CMIP: variants seen among roughly 807,000 people sequenced by gnomAD.
CMIP encodes the protein c-Maf inducing protein.
Under a neutral mutation model 97.3 loss-of-function variants are expected in CMIP, and 13 were observed. That is an observed-to-expected ratio of 0.13 (90% CI 0.09 to 0.21). The LOEUF (loss-of-function observed/expected upper bound fraction) is 0.21. Ranked by LOEUF, CMIP falls within the 10% of genes least tolerant of loss-of-function variation. The pLI, the probability that CMIP is intolerant of heterozygous loss-of-function variation, is 1.00. For missense variants in CMIP, 847 were observed against 1,024.9 expected (o/e 0.83, Z 2.37); for synonymous variants, 538 against 436.3 (o/e 1.23, Z -2.91).
chr16:81,559,143 CAGA>C (rs149523885), intron 1 of CMIP, among the ~76,000 whole-genome samples: 13,443 of 152,216 alleles, frequency 0.088, 746 homozygotes, highest in East Asian at 0.27. Context: ...GCATGCTGGG[CAGA>C]AGAAGAGGGT....
intron 1 of CMIP, among the ~76,000 whole-genome samples, chr16:81,555,718 G>A (rs1160352450): frequency 2.6e-5 from 4 of 152,184 alleles, no homozygotes; most frequent in Non-Finnish European, 4.4e-5. Context: ...AGCTAAATCA[G>A]GAAGGAGAAA....
At chr16:81,629,050 C>T (rs1051971840) in intron 3 of CMIP, among the ~76,000 whole-genome samples, 39 of 136,316 alleles carry the variant, frequency 2.9e-4, no homozygotes, top group African/African-American at 1.1e-3. Flanking sequence ...GCATGAGAAT[C>T]GCTTGAACCC....
chr16:81,578,219 C>T (rs1170556968), intron 1 of CMIP, among the ~76,000 whole-genome samples: 2 of 151,842 alleles, frequency 1.3e-5, no homozygotes, highest in Admixed American at 6.6e-5. Flanking sequence ...TCACCACCAT[C>T]ATAACCATCA....
At position 81,620,940 on chromosome 16, in the gene CMIP, C is replaced by T. The variant is rs375814804; in HGVS notation, c.477+14C>T. The T allele has an allele frequency of 4.2e-5, 68 of 1,613,504 alleles. No homozygotes were observed. The highest frequency in any genetic ancestry group is 3.3e-5 in the Admixed American group (2 of 59,988). ...CTGCAATGGAAGGTAAGTACTGACTCGGTTGCTTGTTTAAAGCGACTCAGG... is the reference window on the plus strand; with the variant it reads ...CTGCAATGGAAGGTAAGTACTGACTTGGTTGCTTGTTTAAAGCGACTCAGG... On this transcript the variant is annotated intron_variant, in intron 3 of 20. Transcript: ENST00000537098.
rs1037198934 is a variant in CMIP, at chr16:81,470,457, G to C, written c.300+24916G>C. ...ACAGAGACAGATGTTTCAGAAGTTT[G>C]ACCTCAAAACAGCTTTCTTTTCCCT... On this transcript the variant is annotated intron_variant, in intron 1 of 20. Transcript: ENST00000537098. 3.3e-5 allele frequency among the ~76,000 whole-genome samples: 5 copies of C among 152,336 alleles called. No homozygotes were observed. The East Asian group carries it at 9.6e-4, about 29-fold the overall frequency.
Position 81,671,948 on chromosome 16 carries a change from C to T in CMIP, c.930-18C>T, listed in dbSNP as rs1597228508. On this transcript the variant is annotated intron_variant, in intron 8 of 20. Transcript: ENST00000537098. ...CACTCCTGCAGGCTTCTCACCCCAGCCCTCTGCTTTTTTCCAGCATGCACG... is the reference window on the plus strand; with the variant it reads ...CACTCCTGCAGGCTTCTCACCCCAGTCCTCTGCTTTTTTCCAGCATGCACG... 2.4e-5 allele frequency: 35 copies of T among 1,446,012 alleles called. No homozygotes were observed. The East Asian group carries it at 8.3e-4, about 34-fold the overall frequency. The allele number at this position is 1,446,012 out of a possible 1,614,324, so 89.6% of individuals were successfully genotyped here.
Position 81,621,076 on chromosome 16 carries a change from C to T in CMIP, c.477+150C>T, listed in dbSNP as rs2091986068. The T allele has an allele frequency of 1.2e-6, 1 of 856,078 alleles. No individual in the cohort carries two copies. Among genetic ancestry groups the T allele is most frequent in the African/African-American group, 1.7e-5 (1 of 59,096 alleles). 53.0% of individuals were successfully genotyped at this position (856,078 alleles called of 1,614,324 possible). A position where few individuals can be genotyped will look rare whatever the true frequency, so the allele number is the denominator to read the frequency against. ...ACTTTGTTCCCCTACCTAAGAGCCC[C>T]TGGCCCTTCGTCCTCTGCTGTTCAA... On this transcript the variant is annotated intron_variant, in intron 3 of 20. Coordinates refer to ENST00000537098, the MANE Select transcript of CMIP (RefSeq NM_198390.3). This position sits in a 1 kb window ranked among gnomAD's most constrained non-coding sequence, Gnocchi z 4.1.
intron 3 of CMIP, among the ~76,000 whole-genome samples, chr16:81,647,148 C>G (rs2092372766): frequency 6.6e-6 from 1 of 152,222 alleles, no homozygotes; most frequent in African/African-American, 2.4e-5. Context: ...TTACAGCCAT[C>G]CTCGTAGGAC....
intron 2 of CMIP, among the ~76,000 whole-genome samples, chr16:81,612,172 T>A (rs2091842544): frequency 6.6e-6 from 1 of 152,136 alleles, no homozygotes. Flanking sequence ...GTAGCAGGCA[T>A]TAAAGAGCAG....
intron 1 of CMIP, among the ~76,000 whole-genome samples, chr16:81,469,737 T>C (rs1237610912): frequency 1.3e-5 from 2 of 152,224 alleles, no homozygotes; most frequent in Admixed American, 1.3e-4. Flanking sequence ...AAGTTGAGCA[T>C]GTTATTTACA....
intron 3 of CMIP, among the ~76,000 whole-genome samples, chr16:81,626,455 GTGTGTGTA>G (rs1265171834): frequency 9.2e-5 from 6 of 64,962 alleles, no homozygotes; most frequent in African/African-American, 2.1e-4. Context: ...TTATGAGTGT[GTGTGTGTA>G]TGTGTGGCAT....
At chr16:81,643,442 G>A (rs1038336976) in intron 3 of CMIP, among the ~76,000 whole-genome samples, 2 of 152,232 alleles carry the variant, frequency 1.3e-5, no homozygotes, top group Admixed American at 1.3e-4. Flanking sequence ...GTTGGAAATA[G>A]TGGTGGTGGT....
At chr16:81,555,880 A>G (rs1186551548) in intron 1 of CMIP, among the ~76,000 whole-genome samples, 3 of 152,176 alleles carry the variant, frequency 2.0e-5, no homozygotes, top group Non-Finnish European at 4.4e-5. Flanking sequence ...CCTCATCTCT[A>G]AAATGGATCC....
At chr16:81,558,281 C>T (rs2090807991) in intron 1 of CMIP, among the ~76,000 whole-genome samples, 1 of 152,080 alleles carries the variant, frequency 6.6e-6, no homozygotes, top group African/African-American at 2.4e-5. Flanking sequence ...CCTCCATCAG[C>T]AGACACGAGG....
At chr16:81,591,135 A>C (rs2091460896) in intron 1 of CMIP, among the ~76,000 whole-genome samples, 1 of 152,172 alleles carries the variant, frequency 6.6e-6, no homozygotes, top group Admixed American at 6.5e-5. Context: ...TTCATTAATA[A>C]CTAGCAGCAT....
intron 10 of CMIP, among the ~76,000 whole-genome samples, chr16:81,687,544 G>C (rs1905549174): frequency 6.6e-6 from 1 of 152,192 alleles, no homozygotes; most frequent in Non-Finnish European, 1.5e-5. Flanking sequence ...GAGAGGACGG[G>C]TCATGGTCTT....
chr16:81,502,685 G>A (rs796292341), intron 1 of CMIP, among the ~76,000 whole-genome samples: 13 of 152,276 alleles, frequency 8.5e-5, no homozygotes, highest in African/African-American at 2.4e-4. Context: ...AAGTGTTACC[G>A]TTATCATCAT....
intron 13 of CMIP, 115 bp downstream of exon 13, chr16:81,693,602 G>C (rs1906361707): frequency 8.9e-7 from 1 of 1,124,146 alleles, no homozygotes; most frequent in Non-Finnish European, 1.3e-6. Flanking sequence ...ACAGCTTTCA[G>C]AGACCCATTG....
Position 81,456,358 on chromosome 16 carries a change from C to T in CMIP, c.300+10817C>T, listed in dbSNP as rs112942241. ...AGGGGAAATGGAGACCTCAAGAGTTCAAGGTTACACAGCTGGAACCCAGGC... is the reference window on the plus strand; with the variant it reads ...AGGGGAAATGGAGACCTCAAGAGTTTAAGGTTACACAGCTGGAACCCAGGC... On this transcript the variant is annotated intron_variant, in intron 1 of 20. Coordinates refer to ENST00000537098, the MANE Select transcript of CMIP (RefSeq NM_198390.3). Among the ~76,000 whole-genome samples, 1,418 of 152,286 alleles carry T rather than the reference C, an allele frequency of 9.3e-3. 18 individuals are homozygous for T. Among genetic ancestry groups the T allele is most frequent in the African/African-American group, 0.032 (1,343 of 41,540 alleles).
Sources: allele counts gnomAD v4.1 joint callset (sites outside exome capture counted in the v4.1 genomes callset), GRCh38; gene constraint gnomAD v4.1.1; non-coding constraint Gnocchi (gnomAD v3.1); transcripts MANE v1.5; gene names NCBI Gene and HGNC (gene_info 2026-07-23, HGNC 2026-07-21).